Variants in CAMSAP1 observed in about 807,000 individuals in gnomAD.
The protein encoded by CAMSAP1 is calmodulin-regulated spectrin-associated protein 1.
A neutral mutation model predicts 143.5 loss-of-function variants in CAMSAP1; 58 were observed. The ratio of observed to expected loss-of-function variants is 0.40; its 90% CI spans 0.33 to 0.50. CAMSAP1 has a LOEUF of 0.50. CAMSAP1 is among the 20% of genes least tolerant of loss of function. CAMSAP1 has a pLI of 0.45. For synonymous variants in CAMSAP1, 945 were observed against 859.3 expected (o/e 1.10, Z -1.74); for missense variants, 1,969 against 2,115.7 (o/e 0.93, Z 1.36).
intron 1 of CAMSAP1, among the ~76,000 whole-genome samples, chr9:135,884,651 G>A (rs1838067861): frequency 6.6e-6 from 1 of 152,148 alleles, no homozygotes. Flanking sequence ...ACATCGAGTA[G>A]CCCCCTAATC....
At chr9:135,817,936 G>T (rs370642289) in intron 14 of CAMSAP1, 41 bp downstream of exon 14, 1 of 1,563,310 alleles carries the variant, frequency 6.4e-7, no homozygotes, top group Admixed American at 1.7e-5. Context: ...CCCTCCGAAC[G>T]TCCTCCAGCC....
chr9:135,906,969 GCCCCCGC>G, intron 1 of CAMSAP1, 24 bp downstream of exon 1: 1 of 1,034,184 alleles, frequency 9.7e-7, no homozygotes, highest in Non-Finnish European at 1.2e-6. Flanking sequence ...CGCGCCCCTG[GCCCCCGC>G]CCCGCGCCCC....
In CAMSAP1 at chr9:135,871,872, G is replaced by A. The variant is rs111279239; in HGVS notation, c.586-5336C>T. Among the ~76,000 whole-genome samples, 4 of 152,312 alleles carry A rather than the reference G, an allele frequency of 2.6e-5. No individual in the cohort carries two copies. In the East Asian group the frequency reaches 5.8e-4, roughly 22 times the overall value. On this transcript the variant is annotated intron_variant, in intron 3 of 16. Transcript: ENST00000389532. ...AATCCCAGCACTTTAGGAGGCCGAG[G>A]TGGGCAGATCACCTGAGGTCGGGAA...
At chr9:135,837,760 C>A (rs575297692) in intron 7 of CAMSAP1, among the ~76,000 whole-genome samples, 1 of 150,002 alleles carries the variant, frequency 6.7e-6, no homozygotes, top group South Asian at 2.1e-4. Context: ...TCTACAGATA[C>A]ACATCATCAC....
chr9:135,884,318 G>A (rs1183407386), intron 1 of CAMSAP1, among the ~76,000 whole-genome samples: 3 of 152,022 alleles, frequency 2.0e-5, no homozygotes, highest in African/African-American at 7.2e-5. Context: ...TCTTCCCCAG[G>A]GGAAGAACCA....
At chr9:135,832,644 G>T (rs557146747) in intron 7 of CAMSAP1, among the ~76,000 whole-genome samples, 1 of 152,090 alleles carries the variant, frequency 6.6e-6, no homozygotes, top group African/African-American at 2.4e-5. Flanking sequence ...AAATCCTAAA[G>T]GCTCCATAAA....
At chr9:135,869,767 A>G (rs1036766425) in intron 3 of CAMSAP1, among the ~76,000 whole-genome samples, 1 of 152,236 alleles carries the variant, frequency 6.6e-6, no homozygotes, top group Non-Finnish European at 1.5e-5. Context: ...GTCAAGATGC[A>G]GAAACACCAC....
chr9:135,836,890 T>C (rs535740153), intron 7 of CAMSAP1: 2 of 981,846 alleles, frequency 2.0e-6, no homozygotes, highest in South Asian at 4.7e-5. Context: ...GTCACCACAC[T>C]TGCTACCCAT....
At chr9:135,899,525 T>C (rs969831195) in intron 1 of CAMSAP1, among the ~76,000 whole-genome samples, 4 of 152,002 alleles carry the variant, frequency 2.6e-5, no homozygotes, top group Non-Finnish European at 5.9e-5. Context: ...TCAGATTTCA[T>C]ACATCTCTCC....
Position 135,882,327 on chromosome 9 carries a change from A to G in CAMSAP1, c.423+489T>C, listed in dbSNP as rs1837988163. On this transcript the variant is annotated intron_variant, in intron 2 of 16. Coordinates refer to ENST00000389532, the MANE Select transcript of CAMSAP1 (RefSeq NM_015447.4). The surrounding 1 kb of genome is among the most constrained non-coding windows in gnomAD (Gnocchi z 4.9). ...CACCGGGAACGCCATGGGAGCAACC[A>G]AACAAAGGCAGTGCAGGAGGCACCG... Among the ~76,000 whole-genome samples, 1 of 152,144 alleles carries G rather than the reference A, an allele frequency of 6.6e-6. No homozygotes were observed. The highest frequency in any genetic ancestry group is 1.5e-5 in the Non-Finnish European group (1 of 68,012).
chr9:135,823,718 T>G (rs1324976494), intron 10 of CAMSAP1, among the ~76,000 whole-genome samples: 2 of 152,326 alleles, frequency 1.3e-5, no homozygotes, highest in Non-Finnish European at 2.9e-5. Flanking sequence ...TGACTCCACC[T>G]GCTGCCACAC....
At chr9:135,858,502 G>C (rs572915832) in intron 5 of CAMSAP1, among the ~76,000 whole-genome samples, 28 of 152,290 alleles carry the variant, frequency 1.8e-4, no homozygotes, top group African/African-American at 6.3e-4. Context: ...TATGATCCAT[G>C]AAATATTTAA....
chr9:135,893,760 G>C (rs1838360609), intron 1 of CAMSAP1, among the ~76,000 whole-genome samples: 1 of 152,220 alleles, frequency 6.6e-6, no homozygotes, highest in South Asian at 2.1e-4. Flanking sequence ...AGAACTCACA[G>C]TAATACTGAC....
chr9:135,863,584 A>G lies in CAMSAP1; in HGVS notation c.667-976T>C, dbSNP rs187570134. ...CTTGAGGAGAAATTGTCTAAAATCA[A>G]GAATTTCAGGTTGTTATGTCAATAA... On this transcript the variant is annotated intron_variant, in intron 4 of 16. Coordinates refer to ENST00000389532, the MANE Select transcript of CAMSAP1 (RefSeq NM_015447.4). Among the ~76,000 whole-genome samples the G allele has an allele frequency of 4.9e-3, 745 of 152,348 alleles. 4 individuals carry two copies. Among genetic ancestry groups the G allele is most frequent in the South Asian group, 0.023 (109 of 4,826 alleles).
intron 5 of CAMSAP1, among the ~76,000 whole-genome samples, chr9:135,850,804 G>A (rs779966773): frequency 3.9e-5 from 6 of 152,166 alleles, no homozygotes; most frequent in Admixed American, 6.5e-5. Flanking sequence ...ATGTTGAGCC[G>A]AGTTTCTTCC....
intron 7 of CAMSAP1, among the ~76,000 whole-genome samples, chr9:135,847,596 AACAC>A (rs2130893346): frequency 6.6e-6 from 1 of 150,838 alleles, no homozygotes; most frequent in East Asian, 2.0e-4. Flanking sequence ...TCAGCAAACT[AACAC>A]AGGAACAGAA....
Position 135,882,772 on chromosome 9 carries a change from C to A in CAMSAP1, c.423+44G>T. The A allele has an allele frequency of 6.5e-7, 1 of 1,529,840 alleles. No homozygotes were observed. The highest frequency in any genetic ancestry group is 8.8e-7 in the Non-Finnish European group (1 of 1,137,490). The allele number at this position is 1,529,840 out of a possible 1,614,324, so 94.8% of individuals were successfully genotyped here. On this transcript the variant is annotated intron_variant, in intron 2 of 16. Coordinates refer to ENST00000389532, the MANE Select transcript of CAMSAP1 (RefSeq NM_015447.4). This position sits in a 1 kb window ranked among gnomAD's most constrained non-coding sequence, Gnocchi z 4.9. ...AGGTGCGCCACACGAGAGCCCACGG[C>A]TCCAGAGGATGGCCCCTGGGGGCGG...
At chr9:135,823,490 C>T (rs1362964252) in intron 10 of CAMSAP1, among the ~76,000 whole-genome samples, 1 of 152,226 alleles carries the variant, frequency 6.6e-6, no homozygotes, top group Non-Finnish European at 1.5e-5. Flanking sequence ...TTACTGAGGA[C>T]CTCAAAGAGC....
intron 8 of CAMSAP1, among the ~76,000 whole-genome samples, chr9:135,825,306 C>T (rs973430446): frequency 9.9e-5 from 15 of 152,210 alleles, no homozygotes; most frequent in Non-Finnish European, 1.8e-4. Context: ...GCCCAATGTA[C>T]TAAGCCACCA....
Sources: gnomAD v4.1 joint callset for allele counts (sites outside exome capture counted in the v4.1 genomes callset) on GRCh38, gnomAD v4.1.1 for gene constraint, Gnocchi (gnomAD v3.1) non-coding constraint, MANE v1.5 for transcripts, NCBI Gene and HGNC (gene_info 2026-07-23, HGNC 2026-07-21) for gene names.